The following CTNND2 variants were observed in gnomAD, a reference collection of about 807,000 sequenced individuals.
CTNND2 encodes the protein catenin delta 2.
In CTNND2, 22 loss-of-function variants were observed where a neutral mutation model predicts 144.4. The ratio of observed to expected loss-of-function variants is 0.15; its 90% CI spans 0.11 to 0.22. CTNND2 has a LOEUF of 0.22. CTNND2 is among the 10% of genes least tolerant of loss of function. CTNND2 has a pLI of 1.00. For synonymous variants in CTNND2, 751 were observed against 695.6 expected, an observed-to-expected ratio of 1.08 and a Z score of -1.25; for missense variants, 1,353 against 1,618.8, an observed-to-expected ratio of 0.84 and a Z score of 2.82.
At chr5:11,234,345 C>T (rs188475257) in intron 10 of CTNND2, among the ~76,000 whole-genome samples, 7 of 152,284 alleles carry the variant, frequency 4.6e-5, no homozygotes, top group East Asian at 3.9e-4. Flanking sequence ...ATGCACATTT[C>T]GCTACTAAGC....
intron 3 of CTNND2, among the ~76,000 whole-genome samples, chr5:11,440,170 CAACT>C (rs1405715193): frequency 6.6e-6 from 1 of 152,102 alleles, no homozygotes; most frequent in African/African-American, 2.4e-5. Context: ...AAAATTTGTC[CAACT>C]AACATATTCC....
Position 11,024,037 on chromosome 5 carries a change from C to T in CTNND2, c.2789-1058G>A, listed in dbSNP as rs1008548656. On this transcript the variant is annotated intron_variant, in intron 16 of 21. Transcript: ENST00000304623. ...CCAATTAGGCACATTTAGCTAGCTC[C>T]TAAAGGCTGTTTGAAATATTTCACC... Among the ~76,000 whole-genome samples, 13 of 152,316 alleles carry T rather than the reference C, an allele frequency of 8.5e-5. No individual in the cohort carries two copies. The South Asian group carries it at 1.0e-3, about 12-fold the overall frequency.
At chr5:10,992,296 C>CCT (rs1176265679) in intron 19 of CTNND2, among the ~76,000 whole-genome samples, 10 of 152,226 alleles carry the variant, frequency 6.6e-5, no homozygotes, top group African/African-American at 2.4e-4. Flanking sequence ...TCTTTATACT[C>CCT]GTTCCTCCTG....
At chr5:11,495,528 G>A (rs1323534633) in intron 3 of CTNND2, among the ~76,000 whole-genome samples, 2 of 152,168 alleles carry the variant, frequency 1.3e-5, no homozygotes, top group African/African-American at 4.8e-5. Flanking sequence ...TCCAGTTTTT[G>A]TACTGGCGTC....
intron 2 of CTNND2, among the ~76,000 whole-genome samples, chr5:11,582,689 T>C (rs1457387747): frequency 6.6e-6 from 1 of 152,224 alleles, no homozygotes. Flanking sequence ...TCAGTCCTAA[T>C]CTTGCTCCAG....
chr5:11,564,954 T>C lies in CTNND2; in HGVS notation c.277A>G (p.Ser93Gly). The change falls in exon 3 of 22, where the codon AGC becomes GGC. Residue 93 changes from serine (S) to glycine (G), a missense_variant. Ser to Gly is a moderately conservative substitution (Grantham distance 56). Around this residue, in one of 4 missense-constraint regions of CTNND2, gnomAD observed 708 missense variants for 706.4 expected, o/e 1.00. Coordinates refer to ENST00000304623, the MANE Select transcript of CTNND2 (RefSeq NM_001332.4). ...GAGCGGCGCTAGTACCTCATGCTGC[T>C]CATGCTGCCAGTCTCGGATCCGAGC... Reference protein sequence around the residue: ...CKLGSETGSMSSMSSAEEQFQ... With the variant: ...CKLGSETGSMGSMSSAEEQFQ... The C allele has an allele frequency of 6.2e-6, 10 of 1,613,312 alleles. No homozygotes were observed. The highest frequency in any genetic ancestry group is 1.1e-5 in the South Asian group (1 of 91,060).
At chr5:11,424,840 G>C (rs1762648733) in intron 3 of CTNND2, among the ~76,000 whole-genome samples, 1 of 151,994 alleles carries the variant, frequency 6.6e-6, no homozygotes, top group Admixed American at 6.6e-5. Context: ...AAGGAAGATG[G>C]AATAAAGGAA....
chr5:11,136,683 T>C (rs1164313790), intron 12 of CTNND2, among the ~76,000 whole-genome samples: 1 of 152,228 alleles, frequency 6.6e-6, no homozygotes, highest in Non-Finnish European at 1.5e-5. Context: ...AAGGCCACCA[T>C]GTATCTCTTA....
rs142588747 is a variant in CTNND2 at position 11,346,264 on chromosome 5, C to T, written c.1628+108G>A. 2,572 of 1,127,508 alleles carry T rather than the reference C, an allele frequency of 2.3e-3. 13 individuals carry two copies. The highest frequency in any genetic ancestry group is 4.1e-3 in the South Asian group (131 of 31,870). 69.8% of individuals were successfully genotyped at this position (1,127,508 alleles called of 1,614,324 possible). ...CAAAAGAAAACCCAAGAAAAGCCAACCCTTTAATAGTCAGTGACATAAATG... is the reference window on the plus strand; with the variant it reads ...CAAAAGAAAACCCAAGAAAAGCCAATCCTTTAATAGTCAGTGACATAAATG... On this transcript the variant is annotated intron_variant, in intron 9 of 21. Transcript: ENST00000304623.
At chr5:11,583,825 T>A (rs1778624736) in intron 2 of CTNND2, among the ~76,000 whole-genome samples, 1 of 152,218 alleles carries the variant, frequency 6.6e-6, no homozygotes, top group African/African-American at 2.4e-5. Flanking sequence ...ATCTATGCAT[T>A]CTATTTGCCA....
chr5:11,257,560 C>T (rs192236525), intron 9 of CTNND2, among the ~76,000 whole-genome samples: 120 of 152,278 alleles, frequency 7.9e-4, no homozygotes, highest in Non-Finnish European at 1.3e-4. Context: ...GCTTATAAAA[C>T]CATCAGATCT....
chr5:11,634,105 C>T (rs1032559217), intron 2 of CTNND2, among the ~76,000 whole-genome samples: 114 of 152,178 alleles, frequency 7.5e-4, no homozygotes, highest in Non-Finnish European at 7.2e-4. Context: ...CTATCCTTTT[C>T]CCCAACTCTT....
At chr5:11,310,602 C>T (rs1170253627) in intron 9 of CTNND2, among the ~76,000 whole-genome samples, 1 of 151,828 alleles carries the variant, frequency 6.6e-6, no homozygotes, top group Non-Finnish European at 1.5e-5. Flanking sequence ...AAAACAAAGG[C>T]CATGCTGTTT....
rs968174579 is a variant in CTNND2 at position 11,602,636 on chromosome 5, T to C, written c.175-37580A>G. ...GACAGCTTTGCTTTCTCTCTCTCTC[T>C]AGATATATGTAAAATATATATATTA... On this transcript the variant is annotated intron_variant, in intron 2 of 21. Coordinates refer to ENST00000304623, the MANE Select transcript of CTNND2 (RefSeq NM_001332.4). Among the ~76,000 whole-genome samples the C allele has an allele frequency of 2.7e-5, 4 of 147,482 alleles. 1 individual carries two copies. The South Asian group carries it at 8.4e-4, about 31-fold the overall frequency.
chr5:11,646,526 C>A (rs962093551), intron 2 of CTNND2, among the ~76,000 whole-genome samples: 8 of 152,178 alleles, frequency 5.3e-5, no homozygotes, highest in Non-Finnish European at 1.0e-4. Flanking sequence ...ATCAGTGGAA[C>A]AATTCACAGG....
intron 9 of CTNND2, among the ~76,000 whole-genome samples, chr5:11,253,815 C>T (rs1040651707): frequency 6.6e-6 from 1 of 152,272 alleles, no homozygotes; most frequent in African/African-American, 2.4e-5. Context: ...GTTCTCCTGC[C>T]TTAAATCTCC....
intron 3 of CTNND2, among the ~76,000 whole-genome samples, chr5:11,491,066 T>A (rs1007733396): frequency 1.3e-5 from 2 of 152,042 alleles, no homozygotes; most frequent in African/African-American, 4.8e-5. Context: ...AATGAAGAAA[T>A]CAAAAAGCAA....
intron 2 of CTNND2, among the ~76,000 whole-genome samples, chr5:11,609,086 C>A (rs1780197799): frequency 6.6e-6 from 1 of 152,206 alleles, no homozygotes; most frequent in East Asian, 1.9e-4. Flanking sequence ...ATCAGAGACA[C>A]CTTCCCCTCA....
chr5:11,536,191 G>A (rs1179088097), intron 3 of CTNND2, among the ~76,000 whole-genome samples: 4 of 152,020 alleles, frequency 2.6e-5, no homozygotes, highest in East Asian at 1.9e-4. Context: ...AGTCTCCCAC[G>A]TATCTAGGAC....
Sources: allele counts gnomAD v4.1 joint callset (sites outside exome capture counted in the v4.1 genomes callset), GRCh38; gene constraint gnomAD v4.1.1; regional missense constraint gnomAD v4.1.1; transcripts MANE v1.5; gene names NCBI Gene and HGNC (gene_info 2026-07-23, HGNC 2026-07-21).